The following PSMB8 variants were observed in gnomAD, a reference collection of about 807,000 sequenced individuals.
PSMB8 encodes the protein proteasome subunit beta type-8.
PSMB8 carries 20 observed loss-of-function variants against 32.3 expected under a neutral mutation model. The ratio of observed to expected loss-of-function variants is 0.62; its 90% CI spans 0.44 to 0.90. The LOEUF is 0.90. PSMB8 is among the 40% of genes least tolerant of loss of function. The pLI, the probability that PSMB8 is intolerant of heterozygous loss-of-function variation, is 0.00. For missense variants in PSMB8, 342 were observed against 365.4 expected, an observed-to-expected ratio of 0.94 and a Z score of 0.52; for synonymous variants, 131 against 135.4, an observed-to-expected ratio of 0.97 and a Z score of 0.23.
intron 3 of PSMB8, 77 bp from the exon 4 acceptor site, chr6:32,842,340 G>A (rs1769965757): frequency 1.3e-6 from 2 of 1,532,686 alleles, no homozygotes; most frequent in African/African-American, 1.4e-5. Context: ...TGATTAAAGA[G>A]ATAAGCATTG....
In PSMB8 at chr6:32,842,226, A is replaced by G; in HGVS notation, c.445T>C (p.Ser149Pro). 1.2e-6 allele frequency: 2 copies of G among 1,613,144 alleles called. No individual in the cohort carries two copies. The highest frequency in any genetic ancestry group is 1.7e-6 in the Non-Finnish European group (2 of 1,180,042). ...YLRNGERISV[S>P]AASKLLSNMM... ...TTGGACAGCAGCTTGGAGGCTGCCGACACTGAAATACGTTCTCCATTTCGC... is the reference window on the plus strand; with the variant it reads ...TTGGACAGCAGCTTGGAGGCTGCCGGCACTGAAATACGTTCTCCATTTCGC... Residue 149 changes from serine to proline, a missense_variant, in exon 4 of 6, where the codon TCG (serine) becomes CCG (proline). Transcript: ENST00000374882.
chr6:32,841,477 C>A (rs112560284), intron 5 of PSMB8, 54 bp downstream of exon 5: 23 of 1,567,346 alleles, frequency 1.5e-5, no homozygotes, highest in South Asian at 1.0e-4. Context: ...AATCACCCCC[C>A]CCACCACCCG....
intron 1 of PSMB8, among the ~76,000 whole-genome samples, chr6:32,843,341 A>AG (rs1429558987): frequency 6.6e-6 from 1 of 152,188 alleles, no homozygotes; most frequent in East Asian, 1.9e-4. Context: ...CCATTACTAA[A>AG]AAATTTTGAG....
In PSMB8 at chr6:32,843,089, G is replaced by A. The variant is rs145654909; in HGVS notation, c.148C>T (p.Pro50Ser). The change falls in exon 2 of 6, where the codon CCC (proline) becomes TCC (serine). Residue 50 changes from proline (P) to serine (S), a missense_variant and splice_region_variant. Transcript: ENST00000374882. ...PELALPRGMQPTEFFQSLGGD... is the reference protein window; with the variant it reads ...PELALPRGMQSTEFFQSLGGD... ...CCCAGGGACTGGAAGAATTCTGTGG[G>A]CTGATAAGAGAAAAGAGGTTGAGAA... The A allele has an allele frequency of 2.1e-5, 34 of 1,612,934 alleles. No homozygotes were observed. Among genetic ancestry groups the A allele is most frequent in the Non-Finnish European group, 2.7e-5 (32 of 1,180,026 alleles).
rs1769985179 is a variant in PSMB8 at position 32,842,615 on chromosome 6, G to A, written c.407+57C>T. On this transcript the variant is annotated intron_variant, in intron 3 of 5. Coordinates refer to ENST00000374882, the MANE Select transcript of PSMB8 (RefSeq NM_148919.4). ...GGACAAGAGTAAGGAGCAATGATCT[G>A]AGAGATCCAGGGATTAACCACTAGG... 8 of 1,392,528 alleles carry A rather than the reference G, an allele frequency of 5.7e-6. No individual in the cohort carries two copies. In the South Asian group the frequency reaches 9.2e-5, roughly 16 times the overall value. The allele number at this position is 1,392,528 out of a possible 1,614,324, so 86.3% of individuals were successfully genotyped here.
chr6:32,843,806 C>T, intron 1 of PSMB8, 44 bp downstream of exon 1: 1 of 1,608,296 alleles, frequency 6.2e-7, no homozygotes, highest in Non-Finnish European at 8.5e-7. Context: ...CACTCCTCAG[C>T]GCCCGCCTCC....
chr6:32,841,095 A>G (rs1346615906), intron 5 of PSMB8, 48 bp from the exon 6 acceptor site: 2 of 1,474,160 alleles, frequency 1.4e-6, no homozygotes, highest in Non-Finnish European at 1.9e-6. Flanking sequence ...CACCTCAGCA[A>G]GTTCCTGTCA....
rs1313330961 is a variant in PSMB8 at position 32,843,862 on chromosome 6, G to A, written c.135C>T (p.Pro45=). ...CTACTGCCCCGACCTGCATTCCCCG[G>A]GGTAAAGCGAGCTCTGGAGATCGCA... is the stretch of plus-strand genomic sequence containing the variant. ...FSMRSPELAL[P]RGMQPTEFFQ... is the part of the protein sequence containing the mutation. The change falls in exon 1 of 6, where the codon CCC becomes CCT. Residue 45 remains proline (P), a synonymous_variant. Transcript: ENST00000374882. The A allele has an allele frequency of 6.2e-7, 1 of 1,612,668 alleles. No homozygotes were observed. The highest frequency in any genetic ancestry group is 8.5e-7 in the Non-Finnish European group (1 of 1,180,002).
chr6:32,841,462 T>C (rs1308135311), intron 5 of PSMB8, 69 bp downstream of exon 5: 16 of 1,516,554 alleles, frequency 1.1e-5, no homozygotes, highest in Non-Finnish European at 1.4e-5. Flanking sequence ...GGTTTCTCAA[T>C]CTTAAATCAC....
chr6:32,843,255 A>G (rs958302868), intron 1 of PSMB8, among the ~76,000 whole-genome samples, 166 bp from the exon 2 acceptor site: 4 of 152,244 alleles, frequency 2.6e-5, no homozygotes, highest in Non-Finnish European at 5.9e-5. Context: ...GGCTTGGGAG[A>G]AGGAAAAGAA....
chr6:32,841,242 C>A (rs1769881278), intron 5 of PSMB8, among the ~76,000 whole-genome samples, 195 bp from the exon 6 acceptor site: 1 of 151,932 alleles, frequency 6.6e-6, no homozygotes. Flanking sequence ...CAATCATTTT[C>A]TTTTTTTTCT....
At position 32,842,954 on chromosome 6, in the gene PSMB8, C is replaced by A. The variant is rs2127378486; in HGVS notation, c.283G>T (p.Gly95Trp). Residue 95 changes from glycine (G) to tryptophan (W), a missense_variant, in exon 2 of 6, where the codon GGG becomes TGG. Gly to Trp is a radical substitution (Grantham distance 184). Coordinates refer to ENST00000374882, the MANE Select transcript of PSMB8 (RefSeq NM_148919.4). ...CGTATACACTCACTAATGTAGGACC[C>A]AGCTGAGGCCCGAGAATCCACTGCT... ...IAAVDSRASA[G>W]SYISALRVNK... 6.2e-7 allele frequency: 1 copy of A among 1,613,432 alleles called. No homozygotes were observed. The highest frequency in any genetic ancestry group is 1.3e-5 in the African/African-American group (1 of 75,056).
chr6:32,844,112 A>G, upstream of PSMB8: 1 of 1,519,770 alleles, frequency 6.6e-7, no homozygotes, highest in Non-Finnish European at 8.9e-7. Flanking sequence ...TTTTCCGAGA[A>G]AAGGACAGTT....
chr6:32,843,898 G>A lies in PSMB8; in HGVS notation c.99C>T (p.Tyr33=), dbSNP rs1770114937. Residue 33 remains tyrosine (Y), a synonymous_variant, in exon 1 of 6, where the codon TAC becomes TAT. Transcript: ENST00000374882. The stretch of plus-strand genomic sequence containing the variant: ...GCTCTGGAGATCGCATAGAGAAACT[G>A]TAGTGTCCTGGGTCCGAGCGACGCC... ...GSGRRSDPGH[Y]SFSMRSPELA... The A allele has an allele frequency of 2.5e-6, 4 of 1,612,830 alleles. No individual in the cohort carries two copies. The highest frequency in any genetic ancestry group is 3.4e-6 in the Non-Finnish European group (4 of 1,180,006).
intron 5 of PSMB8, 83 bp downstream of exon 5, chr6:32,841,448 G>A: frequency 7.1e-7 from 1 of 1,418,010 alleles, no homozygotes; most frequent in Non-Finnish European, 9.9e-7. Context: ...ATGTTGGCCA[G>A]GCTGGTTTCT....
chr6:32,843,750 T>C lies in PSMB8; in HGVS notation c.147+100A>G, dbSNP rs552835668. 16 of 1,478,510 alleles carry C rather than the reference T, an allele frequency of 1.1e-5. No individual in the cohort carries two copies. In the South Asian group the frequency reaches 1.6e-4, roughly 15 times the overall value. 91.6% of individuals were successfully genotyped at this position (1,478,510 alleles called of 1,614,324 possible). A position where few individuals can be genotyped will look rare whatever the true frequency, so the allele number is the denominator to read the frequency against. On this transcript the variant is annotated intron_variant, in intron 1 of 5. Transcript: ENST00000374882. ...CGGGACTGAAGGCTACCCCCGACCC[T>C]GTACCCCGCGCTCCCGCTCTCGCCT...
chr6:32,844,082 CTT>C (rs1330564640), upstream of PSMB8: 1 of 1,563,300 alleles, frequency 6.4e-7, no homozygotes, highest in East Asian at 2.3e-5. Flanking sequence ...GAACAAGACT[CTT>C]TTCCACATCC....
In PSMB8 at chr6:32,842,929, C is replaced by T. The variant is rs766583077; in HGVS notation, c.295+13G>A. 16 of 1,613,710 alleles carry T rather than the reference C, an allele frequency of 9.9e-6. No homozygotes were observed. The highest frequency in any genetic ancestry group is 8.8e-5 in the South Asian group (8 of 91,086). ...GCTCCCCAGATTCTGCCTGCTGGAG[C>T]GTATACACTCACTAATGTAGGACCC... On this transcript the variant is annotated intron_variant, in intron 2 of 5. Transcript: ENST00000374882.
At position 32,843,087 on chromosome 6, in the gene PSMB8, G is replaced by C; in HGVS notation, c.150C>G (p.Pro50=). ...PELALPRGMQ[P]TEFFQSLGGD... ...CACCCAGGGACTGGAAGAATTCTGT[G>C]GGCTGATAAGAGAAAAGAGGTTGAG... Residue 50 remains proline (P), a splice_region_variant and synonymous_variant, in exon 2 of 6, where the codon CCC becomes CCG. Transcript: ENST00000374882. The C allele has an allele frequency of 1.2e-6, 2 of 1,613,012 alleles. No individual in the cohort carries two copies. Among genetic ancestry groups the C allele is most frequent in the Non-Finnish European group, 1.7e-6 (2 of 1,180,016 alleles).
Sources: allele counts gnomAD v4.1 joint callset (sites outside exome capture counted in the v4.1 genomes callset), GRCh38; gene constraint gnomAD v4.1.1; transcripts MANE v1.5; gene names NCBI Gene and HGNC (gene_info 2026-07-23, HGNC 2026-07-21).